Variants in OXR1 observed in about 807,000 individuals in gnomAD.
OXR1 encodes oxidation resistance protein 1.
Under a neutral mutation model 104.6 loss-of-function variants are expected in OXR1, and 41 were observed. The observed-to-expected ratio is 0.39, with a 90% CI of 0.31 to 0.51. The LOEUF (loss-of-function observed/expected upper bound fraction) is 0.51. Ranked by LOEUF, OXR1 falls within the 20% of genes least tolerant of loss-of-function variation. The pLI is 0.77. For missense variants in OXR1, 955 were observed against 1,031.9 expected (o/e 0.93, Z 1.02); for synonymous variants, 348 against 348.4 (o/e 1.00, Z 0.01).
intron 2 of OXR1, among the ~76,000 whole-genome samples, chr8:106,377,623 C>T (rs1423955830): frequency 1.3e-5 from 2 of 152,256 alleles, no homozygotes; most frequent in Non-Finnish European, 2.9e-5. Flanking sequence ...CTAATCTATG[C>T]TGGATATATT....
At position 106,740,487 on chromosome 8, in the gene OXR1, G is replaced by T; in HGVS notation, c.2308G>T (p.Asp770Tyr). ...TPVLMVIKDS[D>Y]GQVFGALASE... ...AGTGCTGATGGTGATTAAAGACAGT[G>T]ATGGACAGGTATGAAACACCAACTG... Residue 770 changes from aspartate (D) to tyrosine (Y), a missense_variant, in exon 14 of 17, where the codon GAT becomes TAT. Asp to Tyr is a radical substitution (Grantham distance 160). Transcript: ENST00000517566. 1.2e-6 allele frequency: 2 copies of T among 1,610,888 alleles called. No individual in the cohort carries two copies. Among genetic ancestry groups the T allele is most frequent in the Non-Finnish European group, 1.7e-6 (2 of 1,178,428 alleles).
At chr8:106,507,036 G>A (rs1007460236) in intron 2 of OXR1, among the ~76,000 whole-genome samples, 7 of 151,736 alleles carry the variant, frequency 4.6e-5, no homozygotes, top group Non-Finnish European at 8.8e-5. Context: ...GCTGCAGTGA[G>A]CTATAACAGC....
intron 14 of OXR1, among the ~76,000 whole-genome samples, chr8:106,741,818 T>C (rs1262875914): frequency 3.3e-5 from 5 of 152,120 alleles, no homozygotes; most frequent in African/African-American, 1.2e-4. Flanking sequence ...AAATATCATA[T>C]TTTAAAAGTG....
intron 3 of OXR1, among the ~76,000 whole-genome samples, chr8:106,551,243 C>T (rs760679075): frequency 6.6e-6 from 1 of 152,116 alleles, no homozygotes; most frequent in African/African-American, 2.4e-5. Flanking sequence ...AATTAAACAT[C>T]GTATTCAACC....
chr8:106,571,099 T>C (rs1485291616), intron 3 of OXR1, among the ~76,000 whole-genome samples: 1 of 151,868 alleles, frequency 6.6e-6, no homozygotes, highest in African/African-American at 2.4e-5. Context: ...GCAAGAGGAA[T>C]ATATGCTAGG....
chr8:106,550,718 AT>A (rs1815737343), intron 3 of OXR1, among the ~76,000 whole-genome samples: 2 of 152,084 alleles, frequency 1.3e-5, no homozygotes, highest in African/African-American at 4.8e-5. Flanking sequence ...CCCTTCCACC[AT>A]GATTCCATGA....
At chr8:106,527,344 G>A (rs973986169) in intron 3 of OXR1, among the ~76,000 whole-genome samples, 1 of 152,110 alleles carries the variant, frequency 6.6e-6, no homozygotes, top group Non-Finnish European at 1.5e-5. Context: ...CTTGACCTTT[G>A]TGGATCTGAT....
rs182434844 is a variant in OXR1, at chr8:106,420,681, G to C, written c.23+61045G>C. Reference sequence around the variant, plus strand: ...AACCAGTTAAGGTATTAATATTTTAGGAATGTTCTCAAGTCAAAGAGACCA... The same window carrying C: ...AACCAGTTAAGGTATTAATATTTTACGAATGTTCTCAAGTCAAAGAGACCA... On this transcript the variant is annotated intron_variant, in intron 2 of 16. Transcript: ENST00000517566. Among the ~76,000 whole-genome samples, 3 of 151,182 alleles carry C rather than the reference G, an allele frequency of 2.0e-5. No individual in the cohort carries two copies. In the East Asian group the frequency reaches 5.8e-4, roughly 29 times the overall value.
intron 3 of OXR1, among the ~76,000 whole-genome samples, chr8:106,657,245 T>G (rs1266913843): frequency 6.6e-6 from 1 of 152,064 alleles, no homozygotes; most frequent in Non-Finnish European, 1.5e-5. Flanking sequence ...CACAACGAAC[T>G]TAAAATGTTA....
At chr8:106,666,348 A>G (rs945889151) in intron 3 of OXR1, among the ~76,000 whole-genome samples, 5 of 152,236 alleles carry the variant, frequency 3.3e-5, no homozygotes, top group Admixed American at 2.0e-4. Context: ...GCTATTGAGT[A>G]TCTGAATTGC....
chr8:106,688,859 T>C (rs1055921283), intron 6 of OXR1, among the ~76,000 whole-genome samples: 2 of 152,078 alleles, frequency 1.3e-5, no homozygotes, highest in African/African-American at 4.8e-5. Context: ...AGTAATGAAA[T>C]GATGACTACT....
At chr8:106,616,505 A>G (rs1413136461) in intron 3 of OXR1, among the ~76,000 whole-genome samples, 1 of 152,120 alleles carries the variant, frequency 6.6e-6, no homozygotes, top group Non-Finnish European at 1.5e-5. Context: ...GTAGCTCCAT[A>G]GAGAAGATTA....
chr8:106,677,625 A>G (rs930199941), intron 3 of OXR1, among the ~76,000 whole-genome samples: 4 of 152,054 alleles, frequency 2.6e-5, no homozygotes, highest in Admixed American at 6.6e-5. Context: ...GTTTAAGGAC[A>G]TTTTTACATC....
At position 106,591,698 on chromosome 8, in the gene OXR1, T is replaced by C. The variant is rs540768157; in HGVS notation, c.220+72559T>C. On this transcript the variant is annotated intron_variant, in intron 3 of 16. Coordinates refer to ENST00000517566, the MANE Select transcript of OXR1 (RefSeq NM_001198533.2). ...ACCACCACCACTACCCACCCAATTA[T>C]TGGGGGAGTGGGGAGGGTCCCATGA... Among the ~76,000 whole-genome samples the C allele has an allele frequency of 3.9e-5, 6 of 152,220 alleles. No homozygotes were observed. In the South Asian group the frequency reaches 1.0e-3, roughly 26 times the overall value.
chr8:106,601,567 C>A (rs1026746303), intron 3 of OXR1, among the ~76,000 whole-genome samples: 5 of 152,090 alleles, frequency 3.3e-5, no homozygotes, highest in African/African-American at 1.2e-4. Flanking sequence ...ATGATTTTAC[C>A]TTCTAAAGGC....
intron 1 of OXR1, among the ~76,000 whole-genome samples, chr8:106,340,499 C>T (rs1048652317): frequency 2.0e-5 from 3 of 152,176 alleles, no homozygotes; most frequent in Non-Finnish European, 4.4e-5. Context: ...TTCCTGATCA[C>T]CACATCTAAA....
At chr8:106,716,342 A>ATTTTAATGACTTAGAAT (rs1587215119) in intron 11 of OXR1, among the ~76,000 whole-genome samples, 3 of 95,474 alleles carry the variant, frequency 3.1e-5, no homozygotes, top group African/African-American at 5.2e-5. Flanking sequence ...TACACACTGG[A>ATTTTAATGACTTAGAAT]GGCCGGGCGC....
chr8:106,691,156 T>C (rs1829235439), intron 6 of OXR1, among the ~76,000 whole-genome samples: 1 of 152,028 alleles, frequency 6.6e-6, no homozygotes, highest in Admixed American at 6.6e-5. Context: ...TACATTTGAA[T>C]ATTTGGGGCA....
In OXR1 at chr8:106,587,910, A is replaced by G. The variant is rs1028029408; in HGVS notation, c.220+68771A>G. 7.2e-5 allele frequency among the ~76,000 whole-genome samples: 11 copies of G among 152,246 alleles called. No homozygotes were observed. The South Asian group carries it at 8.3e-4, about 11-fold the overall frequency. ...GGTAAAGAATTACTTAGAATAATAG[A>G]TCCGTGAAGGTAAGACCAGTTGAAC... On this transcript the variant is annotated intron_variant, in intron 3 of 16. Coordinates refer to ENST00000517566, the MANE Select transcript of OXR1 (RefSeq NM_001198533.2).
Sources: gnomAD v4.1 joint callset for allele counts (sites outside exome capture counted in the v4.1 genomes callset) on GRCh38, gnomAD v4.1.1 for gene constraint, MANE v1.5 for transcripts, NCBI Gene and HGNC (gene_info 2026-07-23, HGNC 2026-07-21) for gene names.